The following FMO4 variants were observed in gnomAD, a reference collection of about 807,000 sequenced individuals.
The protein encoded by FMO4 is dimethylaniline monooxygenase [N-oxide-forming] 4.
FMO4 carries 38 observed loss-of-function variants against 43.3 expected under a neutral mutation model. The observed-to-expected ratio is 0.88, with a 90% CI of 0.68 to 1.15. FMO4 has a LOEUF of 1.15. Ranked by LOEUF, FMO4 falls within the 50% of genes most tolerant of loss-of-function variation. The probability of loss-of-function intolerance (pLI) is 0.00; values close to 1 mark genes in which losing one functional copy is unlikely to be tolerated. For missense variants in FMO4, 631 were observed against 663.3 expected (o/e 0.95, Z 0.54); for synonymous variants, 224 against 232.2 (o/e 0.96, Z 0.32).
At chr1:171,327,009 C>T (rs570673982) in intron 5 of FMO4, among the ~76,000 whole-genome samples, 2 of 152,234 alleles carry the variant, frequency 1.3e-5, no homozygotes, top group East Asian at 3.9e-4. Flanking sequence ...TTTTCTTCTT[C>T]AATATGTAAT....
intron 9 of FMO4, among the ~76,000 whole-genome samples, chr1:171,337,659 T>C (rs1663174904): frequency 6.6e-6 from 1 of 152,200 alleles, no homozygotes; most frequent in Admixed American, 6.6e-5. Context: ...CCTGGCCCCC[T>C]ACCAGTGGCA....
Position 171,332,812 on chromosome 1 carries a change from C to T in FMO4, c.731C>T (p.Ala244Val), listed in dbSNP as rs1259866933. The T allele has an allele frequency of 4.3e-6, 7 of 1,613,260 alleles. No homozygotes were observed. In the East Asian group the frequency reaches 1.6e-4, roughly 36 times the overall value. The change falls in exon 7 of 10, where the codon GCA becomes GTA. Residue 244 changes from alanine to valine, a missense_variant. Transcript: ENST00000367749. Reference sequence around the variant, plus strand: ...ACAAGAAGATGCTGTAGTTTTATTGCACAAGTTCTGCCTTCACGTTTTCTA... The same window carrying T: ...ACAAGAAGATGCTGTAGTTTTATTGTACAAGTTCTGCCTTCACGTTTTCTA... Reference protein sequence around the residue: ...MVTRRCCSFIAQVLPSRFLNW... With the variant: ...MVTRRCCSFIVQVLPSRFLNW...
chr1:171,332,238 T>C (rs1662930844), intron 6 of FMO4, among the ~76,000 whole-genome samples: 2 of 152,224 alleles, frequency 1.3e-5, no homozygotes, highest in South Asian at 4.1e-4. Context: ...AAAGCAACTC[T>C]TGCACAACAA....
At position 171,324,163 on chromosome 1, in the gene FMO4, G is replaced by A. The variant is rs762403469; in HGVS notation, c.347G>A (p.Arg116His). The A allele has an allele frequency of 5.5e-5, 89 of 1,613,076 alleles. No homozygotes were observed. Among genetic ancestry groups the A allele is most frequent in the East Asian group, 1.6e-4 (7 of 44,856 alleles). Residue 116 changes from arginine (R) to histidine (H), a missense_variant, in exon 5 of 10, where the codon CGT (arginine) becomes CAT (histidine). Physicochemically the swap from Arg to His is conservative, Grantham distance 29. Transcript: ENST00000367749. ...FKTTVCSITKRPDFSETGQWD... is the reference protein window; with the variant it reads ...FKTTVCSITKHPDFSETGQWD... ...ACCACTGTGTGCAGCATAACGAAGCGTCCAGACTTCTCCGAAACTGGTCAG... is the reference window on the plus strand; with the variant it reads ...ACCACTGTGTGCAGCATAACGAAGCATCCAGACTTCTCCGAAACTGGTCAG...
At chr1:171,324,933 C>A (rs1034703163) in intron 5 of FMO4, among the ~76,000 whole-genome samples, 2 of 152,242 alleles carry the variant, frequency 1.3e-5, no homozygotes, top group East Asian at 1.9e-4. Context: ...CATGCTGAAA[C>A]CCTGTCTTTA....
chr1:171,325,822 T>TG (rs1315758722), intron 5 of FMO4, among the ~76,000 whole-genome samples: 1 of 32,628 alleles, frequency 3.1e-5, no homozygotes, highest in African/African-American at 2.5e-4. Context: ...CTATCCTTTT[T>TG]TTTTTTTTTT....
intron 5 of FMO4, among the ~76,000 whole-genome samples, chr1:171,326,813 C>T (rs1662686548): frequency 6.6e-6 from 1 of 152,192 alleles, no homozygotes; most frequent in Non-Finnish European, 1.5e-5. Flanking sequence ...TTCAATGCCT[C>T]TCTGGGCGTG....
chr1:171,336,989 A>C (rs920889200), intron 8 of FMO4, among the ~76,000 whole-genome samples: 9 of 150,760 alleles, frequency 6.0e-5, no homozygotes, highest in African/African-American at 2.2e-4. Context: ...ACACACACGT[A>C]CAATGTGGAG....
intron 8 of FMO4, 146 bp downstream of exon 8, chr1:171,334,909 G>A (rs1571410038): frequency 3.6e-6 from 2 of 551,116 alleles, no homozygotes; most frequent in East Asian, 6.0e-5. Flanking sequence ...TAATATGAGG[G>A]TGTGCTGTGT....
chr1:171,333,819 T>G (rs559099936), intron 7 of FMO4, among the ~76,000 whole-genome samples: 80 of 152,226 alleles, frequency 5.3e-4, no homozygotes, highest in Non-Finnish European at 1.0e-3. Context: ...ACTGAAAATA[T>G]GTATCAGTAT....
intron 7 of FMO4, 81 bp from the exon 8 acceptor site, chr1:171,334,330 C>T: frequency 1.2e-6 from 1 of 848,586 alleles, no homozygotes; most frequent in Non-Finnish European, 1.8e-6. Context: ...AGGTAATTTC[C>T]CTGAATTGGC....
intron 4 of FMO4, 34 bp downstream of exon 4, chr1:171,323,226 TG>T (rs1662514512): frequency 1.4e-6 from 2 of 1,416,154 alleles, no homozygotes; most frequent in African/African-American, 1.4e-5. Context: ...GATGAATAGA[TG>T]GGGGCTGGCC....
At chr1:171,323,829 C>G (rs540967024) in intron 4 of FMO4, among the ~76,000 whole-genome samples, 1 of 152,086 alleles carries the variant, frequency 6.6e-6, no homozygotes, top group Admixed American at 6.5e-5. Flanking sequence ...TACAATAAGG[C>G]AAAACTAATT....
At chr1:171,323,997 A>G in intron 4 of FMO4, 141 bp from the exon 5 acceptor site, 1 of 684,114 alleles carries the variant, frequency 1.5e-6, no homozygotes, top group East Asian at 2.8e-5. Context: ...TAACTTCTCT[A>G]GGAAGATGAT....
intron 2 of FMO4, among the ~76,000 whole-genome samples, chr1:171,319,587 G>C (rs1558034152): frequency 6.6e-6 from 1 of 152,124 alleles, no homozygotes; most frequent in Non-Finnish European, 1.5e-5. Flanking sequence ...AGAAAACTGA[G>C]TCCTAGACAG....
intron 9 of FMO4, among the ~76,000 whole-genome samples, chr1:171,340,461 G>A (rs1406865195): frequency 6.6e-6 from 1 of 152,154 alleles, no homozygotes; most frequent in Admixed American, 6.5e-5. Context: ...GCCTGTTAGA[G>A]TCGTCACTGT....
chr1:171,337,442 G>C lies in FMO4; in HGVS notation c.1250+17G>C, dbSNP rs1347928527. ...CATTAAAAGGTATGAAATGTAGCTT[G>C]CTCTAGGGCAAACTTACAGTATATT... On this transcript the variant is annotated intron_variant, in intron 9 of 9. Transcript: ENST00000367749. 1 of 1,561,178 alleles carries C rather than the reference G, an allele frequency of 6.4e-7. No homozygotes were observed. The highest frequency in any genetic ancestry group is 1.7e-5 in the Admixed American group (1 of 59,878).
intron 5 of FMO4, among the ~76,000 whole-genome samples, chr1:171,327,589 G>A (rs1409415903): frequency 1.3e-5 from 2 of 151,974 alleles, no homozygotes; most frequent in East Asian, 1.9e-4. Flanking sequence ...TAATACTATG[G>A]TCCACTCTAT....
intron 5 of FMO4, among the ~76,000 whole-genome samples, chr1:171,329,907 G>T (rs944213180): frequency 6.6e-6 from 1 of 152,188 alleles, no homozygotes; most frequent in Admixed American, 6.5e-5. Context: ...AGTAGGCAAA[G>T]AATCCTGTTA....
Sources: gnomAD v4.1 joint callset for allele counts (sites outside exome capture counted in the v4.1 genomes callset) on GRCh38, gnomAD v4.1.1 for gene constraint, MANE v1.5 for transcripts, NCBI Gene and HGNC (gene_info 2026-07-23, HGNC 2026-07-21) for gene names.